Variants in C7orf78 observed in about 807,000 individuals in gnomAD.
C7orf78 encodes chromosome 7 open reading frame 78.
the C7orf78 span, among the ~76,000 whole-genome samples, chr7:12,518,858 C>T: frequency 6.6e-6 from 1 of 152,046 alleles, no homozygotes; most frequent in African/African-American, 2.4e-5. Flanking sequence ...AGGTTGCTAT[C>T]AGCAGTCTCC....
At chr7:12,533,282 C>A in the C7orf78 span, among the ~76,000 whole-genome samples, 1 of 151,560 alleles carries the variant, frequency 6.6e-6, no homozygotes, top group Non-Finnish European at 1.5e-5. Flanking sequence ...CTCACAGCAA[C>A]TTTCACCTCC....
At chr7:12,516,916 G>T in the C7orf78 span, among the ~76,000 whole-genome samples, 3 of 152,136 alleles carry the variant, frequency 2.0e-5, no homozygotes, top group East Asian at 5.8e-4. Flanking sequence ...TAGGCGGAAG[G>T]GAGTTGCCTT....
At chr7:12,522,314 C>T in the C7orf78 span, among the ~76,000 whole-genome samples, 1 of 152,050 alleles carries the variant, frequency 6.6e-6, no homozygotes, top group South Asian at 2.1e-4. Context: ...CATCCAGTAA[C>T]ATATTGATAA....
chr7:12,537,228 A>G, the C7orf78 span, among the ~76,000 whole-genome samples: 1 of 152,240 alleles, frequency 6.6e-6, no homozygotes, highest in Admixed American at 6.5e-5. Flanking sequence ...CCTCACAGTC[A>G]TGGCGGAAGG....
the C7orf78 span, among the ~76,000 whole-genome samples, chr7:12,492,566 C>G: frequency 6.6e-6 from 1 of 152,172 alleles, no homozygotes. Context: ...TACATAAACA[C>G]AATCCAAAGT....
the C7orf78 span, among the ~76,000 whole-genome samples, chr7:12,496,068 G>A: frequency 6.6e-6 from 1 of 152,116 alleles, no homozygotes; most frequent in Admixed American, 6.5e-5. Flanking sequence ...TGCAACTACA[G>A]GTGCCCGCCA....
the C7orf78 span, among the ~76,000 whole-genome samples, chr7:12,512,777 T>C: frequency 1.3e-5 from 2 of 152,202 alleles, no homozygotes; most frequent in African/African-American, 4.8e-5. Context: ...ACATGTTTAG[T>C]ACAGTTTAGC....
chr7:12,502,856 G>A, the C7orf78 span, among the ~76,000 whole-genome samples: 16 of 142,626 alleles, frequency 1.1e-4, 1 homozygote, highest in African/African-American at 4.4e-4. Flanking sequence ...ATGATAGACT[G>A]GATTAAGAAA....
At chr7:12,515,621 G>A in the C7orf78 span, among the ~76,000 whole-genome samples, 1 of 152,196 alleles carries the variant, frequency 6.6e-6, no homozygotes, top group South Asian at 2.1e-4. Flanking sequence ...GTGAAAGTTT[G>A]GAAATTCCTA....
the C7orf78 span, chr7:12,528,941 C>T: frequency 2.3e-5 from 9 of 398,162 alleles, no homozygotes; most frequent in Non-Finnish European, 4.0e-5. Context: ...AAACAGAAGA[C>T]TAGTACAGAA....
chr7:12,534,769 A>C, the C7orf78 span, among the ~76,000 whole-genome samples: 1 of 152,176 alleles, frequency 6.6e-6, no homozygotes, highest in African/African-American at 2.4e-5. Context: ...CATGGACAAC[A>C]TTAGGAAATC....
the C7orf78 span, chr7:12,491,450 G>C: frequency 2.0e-5 from 3 of 152,098 alleles, no homozygotes; most frequent in African/African-American, 7.2e-5. Flanking sequence ...ACTCAGTCCT[G>C]TTTTCTTTGG....
chr7:12,531,124 T>C, the C7orf78 span: 1 of 398,318 alleles, frequency 2.5e-6, no homozygotes, highest in South Asian at 1.3e-4. Flanking sequence ...TGTTGTTAGA[T>C]ACTTATATTA....
the C7orf78 span, among the ~76,000 whole-genome samples, chr7:12,508,192 C>A: frequency 1.3e-5 from 2 of 152,136 alleles, no homozygotes; most frequent in African/African-American, 4.8e-5. Context: ...TCGGTAAAGT[C>A]TTGTGACTTC....
the C7orf78 span, among the ~76,000 whole-genome samples, chr7:12,539,974 T>C: frequency 6.6e-6 from 1 of 152,190 alleles, no homozygotes; most frequent in East Asian, 1.9e-4. Flanking sequence ...GGAACTCAGA[T>C]AAAACAAATG....
At chr7:12,529,812 C>A in the C7orf78 span, among the ~76,000 whole-genome samples, 1 of 152,212 alleles carries the variant, frequency 6.6e-6, no homozygotes, top group Admixed American at 6.5e-5. Context: ...TGGTGTTAGA[C>A]GGCATCTTTT....
At chr7:12,499,155 A>T in the C7orf78 span, among the ~76,000 whole-genome samples, 4 of 152,170 alleles carry the variant, frequency 2.6e-5, no homozygotes, top group African/African-American at 7.2e-5. Flanking sequence ...AACCATAGAG[A>T]CTAGGAAGAA....
At chr7:12,488,186 A>G in the C7orf78 span, among the ~76,000 whole-genome samples, 1 of 152,044 alleles carries the variant, frequency 6.6e-6, no homozygotes, top group African/African-American at 2.4e-5. Context: ...GAAATATGTT[A>G]TTTTCATAAA....
chr7:12,516,323 G>A, the C7orf78 span, among the ~76,000 whole-genome samples: 1 of 152,234 alleles, frequency 6.6e-6, no homozygotes, highest in Admixed American at 6.5e-5. Flanking sequence ...GTGCACAGAA[G>A]TCAAGAACTG....
Sources: allele counts gnomAD v4.1 joint callset (sites outside exome capture counted in the v4.1 genomes callset), GRCh38; gene constraint gnomAD v4.1.1; transcripts MANE v1.5; gene names NCBI Gene and HGNC (gene_info 2026-07-23, HGNC 2026-07-21).